Variants in FRK observed in about 807,000 individuals in gnomAD.
The protein encoded by FRK is fyn related Src family tyrosine kinase.
FRK carries 51 observed loss-of-function variants against 56.4 expected under a neutral mutation model. That is an observed-to-expected ratio of 0.90 (90% CI 0.72 to 1.14). FRK has a LOEUF of 1.14. Ranked by LOEUF, FRK falls within the 50% of genes most tolerant of loss-of-function variation. The pLI is 0.00. For synonymous variants in FRK, 245 were observed against 217.9 expected (o/e 1.12, Z -1.10); for missense variants, 570 against 601.4 (o/e 0.95, Z 0.55).
At chr6:116,039,628 C>T in intron 1 of FRK, 1 of 758,486 alleles carries the variant, frequency 1.3e-6, no homozygotes, top group Non-Finnish European at 2.5e-6. Context: ...CCAAACTGTA[C>T]CTTCCTTTAC....
chr6:115,984,762 A>T (rs1010151238), intron 2 of FRK, among the ~76,000 whole-genome samples: 1 of 152,024 alleles, frequency 6.6e-6, no homozygotes, highest in Admixed American at 6.6e-5. Context: ...ATTAAAAAAA[A>T]AAAAAAAACT....
intron 1 of FRK, among the ~76,000 whole-genome samples, chr6:116,055,233 C>A (rs1051667922): frequency 9.9e-5 from 15 of 152,274 alleles, no homozygotes; most frequent in Admixed American, 8.5e-4. Context: ...CACTAAAGAG[C>A]AGCACAAGCA....
chr6:115,959,782 A>G (rs1424121105), intron 4 of FRK, among the ~76,000 whole-genome samples: 4 of 152,196 alleles, frequency 2.6e-5, no homozygotes, highest in Non-Finnish European at 5.9e-5. Context: ...CTTCCAGATG[A>G]GAAGATTCCA....
chr6:115,983,847 G>A (rs942802322), intron 2 of FRK, among the ~76,000 whole-genome samples: 3 of 152,000 alleles, frequency 2.0e-5, no homozygotes, highest in Non-Finnish European at 4.4e-5. Context: ...ATGCAAATCT[G>A]ACCTTGTTAC....
At chr6:115,976,755 G>T (rs1276460492) in intron 2 of FRK, among the ~76,000 whole-genome samples, 1 of 152,094 alleles carries the variant, frequency 6.6e-6, no homozygotes, top group African/African-American at 2.4e-5. Context: ...TAGAAAATGA[G>T]AATAATGATC....
intron 5 of FRK, among the ~76,000 whole-genome samples, chr6:115,950,063 TA>T (rs1389822035): frequency 6.6e-6 from 1 of 152,056 alleles, no homozygotes; most frequent in African/African-American, 2.4e-5. Flanking sequence ...ACATAAGAAC[TA>T]AAACCATAAA....
intron 1 of FRK, among the ~76,000 whole-genome samples, chr6:116,037,311 C>T (rs945530344): frequency 1.1e-4 from 17 of 152,140 alleles, no homozygotes; most frequent in Admixed American, 7.9e-4. Context: ...TTGTGCATTG[C>T]TTTCTTTTTA....
Position 115,944,384 on chromosome 6 carries a change from T to C in FRK, c.1000A>G (p.Met334Val), listed in dbSNP as rs1351180477. The C allele has an allele frequency of 6.2e-6, 10 of 1,611,788 alleles. No individual in the cohort carries two copies. The East Asian group carries it at 1.6e-4, about 25-fold the overall frequency. ...SKIHLTQQVD[M>V]AAQVASGMAY... is the part of the protein sequence containing the mutation. ...ATTCCAGAGGCAACCTGTGCCGCCA[T>C]GTCTACCTGTTGAGTCAGATGGATT... is the stretch of plus-strand genomic sequence containing the variant. The change falls in exon 6 of 8, where the codon ATG (methionine) becomes GTG (valine). Residue 334 changes from methionine (M) to valine (V), a missense_variant. Coordinates refer to ENST00000606080, the MANE Select transcript of FRK (RefSeq NM_002031.3).
At chr6:115,951,530 T>C (rs1292524590) in intron 5 of FRK, among the ~76,000 whole-genome samples, 1 of 152,218 alleles carries the variant, frequency 6.6e-6, no homozygotes, top group Non-Finnish European at 1.5e-5. Flanking sequence ...TAAATTGTAA[T>C]AAGATCTATC....
At position 116,056,122 on chromosome 6, in the gene FRK, T is replaced by C. The variant is rs948948739; in HGVS notation, c.344+3846A>G. Among the ~76,000 whole-genome samples the C allele has an allele frequency of 4.4e-4, 67 of 152,084 alleles. 1 individual carries two copies. The highest frequency in any genetic ancestry group is 1.6e-3 in the African/African-American group (66 of 41,468). ...ATTAAACTGATCTCATCTCTGACCC[T>C]AGTTCAATTTAACACAAAAGTATGT... On this transcript the variant is annotated intron_variant, in intron 1 of 7. Transcript: ENST00000606080.
At chr6:116,098,519 A>G in the FRK span, among the ~76,000 whole-genome samples, 1 of 151,940 alleles carries the variant, frequency 6.6e-6, no homozygotes, top group Non-Finnish European at 1.5e-5. Flanking sequence ...TTAGGGCTCC[A>G]CCCTTATGGC....
chr6:115,944,698 C>T (rs569201), intron 5 of FRK, among the ~76,000 whole-genome samples: 102,006 of 151,946 alleles, frequency 0.67, 34,765 homozygotes, highest in East Asian at 0.98. Context: ...TCTGGCTATT[C>T]TGCCTTTTTT....
chr6:115,992,421 A>T (rs1039274795), intron 2 of FRK, among the ~76,000 whole-genome samples: 2 of 151,800 alleles, frequency 1.3e-5, no homozygotes, highest in African/African-American at 4.8e-5. Flanking sequence ...CATAGTAAAC[A>T]CAAATGAAAG....
At chr6:115,976,597 T>A (rs546066701) in intron 2 of FRK, among the ~76,000 whole-genome samples, 36 of 152,280 alleles carry the variant, frequency 2.4e-4, no homozygotes, top group South Asian at 1.7e-3. Context: ...TACTGACTGA[T>A]AATAATCTCT....
At chr6:116,037,611 C>T (rs1342994924) in intron 1 of FRK, among the ~76,000 whole-genome samples, 1 of 152,232 alleles carries the variant, frequency 6.6e-6, no homozygotes, top group Admixed American at 6.5e-5. Context: ...CTACTGCATA[C>T]TATTATCTGT....
intron 2 of FRK, among the ~76,000 whole-genome samples, chr6:115,973,024 T>C (rs933231960): frequency 1.3e-5 from 2 of 152,202 alleles, no homozygotes; most frequent in African/African-American, 2.4e-5. Context: ...AGTGATATCA[T>C]TCATTAATTT....
chr6:115,950,349 T>C (rs971749911), intron 5 of FRK, among the ~76,000 whole-genome samples: 1 of 151,702 alleles, frequency 6.6e-6, no homozygotes, highest in Non-Finnish European at 1.5e-5. Context: ...ATAAAAACCA[T>C]CAAAAAGTGG....
chr6:115,987,775 T>C (rs1774446014), intron 2 of FRK, among the ~76,000 whole-genome samples: 1 of 152,056 alleles, frequency 6.6e-6, no homozygotes, highest in Non-Finnish European at 1.5e-5. Flanking sequence ...GATGAATGAA[T>C]GGATGGGTTT....
intron 2 of FRK, among the ~76,000 whole-genome samples, chr6:115,999,315 T>C (rs1774961168): frequency 6.6e-6 from 1 of 152,162 alleles, no homozygotes; most frequent in South Asian, 2.1e-4. Context: ...ACATATAATA[T>C]GTAATATTCA....
Sources: gnomAD v4.1 joint callset for allele counts (sites outside exome capture counted in the v4.1 genomes callset) on GRCh38, gnomAD v4.1.1 for gene constraint, MANE v1.5 for transcripts, NCBI Gene and HGNC (gene_info 2026-07-23, HGNC 2026-07-21) for gene names.